The following TBC1D12 variants were observed in gnomAD, a reference collection of about 807,000 sequenced individuals.
The protein encoded by TBC1D12 is TBC1 domain family, member 12.
In TBC1D12, 56 loss-of-function variants were observed where a neutral mutation model predicts 86.7. The observed-to-expected ratio is 0.65, with a 90% CI of 0.52 to 0.81. TBC1D12 has a LOEUF of 0.81. TBC1D12 is among the 30% of genes least tolerant of loss of function. The pLI, the probability that TBC1D12 is intolerant of heterozygous loss-of-function variation, is 0.00. For missense variants in TBC1D12, 1,023 were observed against 1,038.8 expected (o/e 0.98, Z 0.21); for synonymous variants, 421 against 411.7 (o/e 1.02, Z -0.27).
intron 3 of TBC1D12, among the ~76,000 whole-genome samples, chr10:94,486,050 A>G (rs2056155611): frequency 6.6e-6 from 1 of 151,724 alleles, no homozygotes; most frequent in Admixed American, 6.6e-5. Context: ...TCTTTTCAAA[A>G]AAACCAACTT....
At chr10:94,513,335 C>T (rs534260504) in intron 9 of TBC1D12, among the ~76,000 whole-genome samples, 1 of 151,830 alleles carries the variant, frequency 6.6e-6, no homozygotes, top group Admixed American at 6.6e-5. Flanking sequence ...GCAGGAAGAT[C>T]GCTTGAGCCC....
At chr10:94,503,788 C>T (rs987183484) in intron 6 of TBC1D12, among the ~76,000 whole-genome samples, 4 of 152,046 alleles carry the variant, frequency 2.6e-5, no homozygotes, top group African/African-American at 7.2e-5. Context: ...ACCACACTGA[C>T]TAATTTTTGT....
At chr10:94,525,972 A>G (rs540371468) in intron 11 of TBC1D12, among the ~76,000 whole-genome samples, 113 of 152,288 alleles carry the variant, frequency 7.4e-4, no homozygotes, top group African/African-American at 2.4e-3. Flanking sequence ...TAGTTGTCCT[A>G]TTTGAAACCA....
chr10:94,527,930 A>G (rs1003783405), intron 11 of TBC1D12, among the ~76,000 whole-genome samples: 3 of 151,854 alleles, frequency 2.0e-5, no homozygotes, highest in Non-Finnish European at 2.9e-5. Context: ...CCATTTTTCT[A>G]TGTATCTGTT....
chr10:94,405,179 A>G (rs1470560263), intron 1 of TBC1D12, among the ~76,000 whole-genome samples: 6 of 151,964 alleles, frequency 3.9e-5, no homozygotes, highest in Admixed American at 3.9e-4. Context: ...TTTCCTTTAC[A>G]GAGTTCTCCC....
chr10:94,449,213 C>T (rs1387412187), intron 2 of TBC1D12, among the ~76,000 whole-genome samples: 1 of 152,078 alleles, frequency 6.6e-6, no homozygotes, highest in Non-Finnish European at 1.5e-5. Flanking sequence ...TACTGTTTTG[C>T]TTATCAACAT....
chr10:94,466,525 T>A (rs1249512038), intron 2 of TBC1D12, among the ~76,000 whole-genome samples: 2 of 152,122 alleles, frequency 1.3e-5, no homozygotes, highest in East Asian at 3.8e-4. Flanking sequence ...TTAGCAACAC[T>A]TACTTTCAAT....
chr10:94,453,280 G>T (rs1326526240), intron 2 of TBC1D12, among the ~76,000 whole-genome samples: 1 of 152,068 alleles, frequency 6.6e-6, no homozygotes, highest in Non-Finnish European at 1.5e-5. Flanking sequence ...AATTATAGTA[G>T]TCTCCCCTTA....
In TBC1D12 at chr10:94,453,018, C is replaced by T. The variant is rs568524114; in HGVS notation, c.1095+10999C>T. Reference sequence around the variant, plus strand: ...TGTCTCATTGTCTTAATTTGCAGTTCCCTAATGACATATGATGTTGAACAT... The same window carrying T: ...TGTCTCATTGTCTTAATTTGCAGTTTCCTAATGACATATGATGTTGAACAT... On this transcript the variant is annotated intron_variant, in intron 2 of 12. Transcript: ENST00000225235. 1.8e-3 allele frequency among the ~76,000 whole-genome samples: 280 copies of T among 152,258 alleles called. 2 individuals carry two copies. The highest frequency in any genetic ancestry group is 3.1e-3 in the Non-Finnish European group (211 of 68,010).
At chr10:94,458,358 G>T (rs1450387316) in intron 2 of TBC1D12, among the ~76,000 whole-genome samples, 2 of 152,172 alleles carry the variant, frequency 1.3e-5, no homozygotes, top group East Asian at 3.9e-4. Context: ...GCTCTCATTA[G>T]ATGTAGCCCC....
intron 1 of TBC1D12, among the ~76,000 whole-genome samples, chr10:94,436,280 C>T (rs1035563318): frequency 2.6e-5 from 4 of 151,734 alleles, no homozygotes; most frequent in East Asian, 1.9e-4. Flanking sequence ...TGACTACAGG[C>T]GCGCGCCACC....
chr10:94,405,653 A>G (rs1042071840), intron 1 of TBC1D12, among the ~76,000 whole-genome samples: 2 of 152,122 alleles, frequency 1.3e-5, no homozygotes, highest in African/African-American at 4.8e-5. Flanking sequence ...GGCTTTGGAG[A>G]TAACAAATTC....
chr10:94,481,828 C>T (rs903521060), intron 3 of TBC1D12, among the ~76,000 whole-genome samples: 55 of 150,986 alleles, frequency 3.6e-4, no homozygotes, highest in African/African-American at 1.2e-3. Context: ...TGTGTGGGTA[C>T]GTAGTAGATA....
chr10:94,475,332 C>T (rs890520837), intron 3 of TBC1D12, among the ~76,000 whole-genome samples: 4 of 152,218 alleles, frequency 2.6e-5, no homozygotes, highest in Non-Finnish European at 4.4e-5. Flanking sequence ...TAAGAGTACA[C>T]TCCCAAGAGA....
At chr10:94,441,763 G>A (rs2055385357) in intron 1 of TBC1D12, 133 bp from the exon 2 acceptor site, 1 of 791,348 alleles carries the variant, frequency 1.3e-6, no homozygotes, top group East Asian at 2.9e-5. Context: ...AGTAATAGTG[G>A]TATAAGTAGT....
At chr10:94,457,921 TAAC>T (rs1258230599) in intron 2 of TBC1D12, among the ~76,000 whole-genome samples, 1 of 152,188 alleles carries the variant, frequency 6.6e-6, no homozygotes, top group Non-Finnish European at 1.5e-5. Context: ...AAATACCTTA[TAAC>T]AACAAAACAT....
chr10:94,521,219 A>G (rs1443920171), intron 9 of TBC1D12, among the ~76,000 whole-genome samples: 5 of 135,392 alleles, frequency 3.7e-5, no homozygotes, highest in Admixed American at 1.5e-4. Flanking sequence ...AAAAAAAGAA[A>G]CCAAAAAAAA....
intron 11 of TBC1D12, among the ~76,000 whole-genome samples, chr10:94,530,128 C>T (rs887104251): frequency 6.6e-6 from 1 of 152,020 alleles, no homozygotes; most frequent in Admixed American, 6.6e-5. Flanking sequence ...TCCTCAAACC[C>T]CATCAGCACT....
intron 4 of TBC1D12, 118 bp downstream of exon 4, chr10:94,493,565 GT>G: frequency 2.4e-6 from 2 of 840,568 alleles, no homozygotes; most frequent in Non-Finnish European, 3.7e-6. Flanking sequence ...TTCTTTTTTC[GT>G]TTCTTTTTTG....
Sources: gnomAD v4.1 joint callset for allele counts (sites outside exome capture counted in the v4.1 genomes callset) on GRCh38, gnomAD v4.1.1 for gene constraint, MANE v1.5 for transcripts, NCBI Gene and HGNC (gene_info 2026-07-23, HGNC 2026-07-21) for gene names.